SHB: variants seen among roughly 807,000 people sequenced by gnomAD.
SHB encodes SH2 domain containing adaptor protein B.
SHB carries 20 observed loss-of-function variants against 52.3 expected under a neutral mutation model. The ratio of observed to expected loss-of-function variants is 0.38; its 90% CI spans 0.27 to 0.56. The LOEUF is 0.56. Ranked by LOEUF, SHB falls within the 20% of genes least tolerant of loss-of-function variation. The pLI is 0.71. For synonymous variants in SHB, 397 were observed against 316.5 expected, an observed-to-expected ratio of 1.25 and a Z score of -2.70; for missense variants, 825 against 723.3, an observed-to-expected ratio of 1.14 and a Z score of -1.61.
At chr9:38,020,886 C>G (rs1010364247) in intron 1 of SHB, among the ~76,000 whole-genome samples, 2 of 152,210 alleles carry the variant, frequency 1.3e-5, no homozygotes, top group Admixed American at 1.3e-4. Flanking sequence ...CTGTTTGAAA[C>G]CCACAGCAGC....
At chr9:37,992,199 G>A (rs1433418866) in intron 2 of SHB, among the ~76,000 whole-genome samples, 3 of 151,966 alleles carry the variant, frequency 2.0e-5, no homozygotes, top group Admixed American at 6.6e-5. Context: ...TCAGGAGTTC[G>A]AGACCAGCCT....
intron 1 of SHB, among the ~76,000 whole-genome samples, chr9:38,039,210 A>T (rs920867725): frequency 1.3e-5 from 2 of 152,342 alleles, no homozygotes; most frequent in African/African-American, 4.8e-5. Flanking sequence ...TAAGCCTCCA[A>T]TGTTATCTCC....
Position 37,948,005 on chromosome 9 carries a change from T to TA in SHB, c.1346+629dup, listed in dbSNP as rs1832513756. On this transcript the variant is annotated intron_variant, in intron 5 of 5. Transcript: ENST00000377707. ...GCACCCAACTAAAACATGCTTTTCT[T>TA]ATTTCTGGGCCTGCCCATCCTGACA... is the stretch of plus-strand genomic sequence containing the variant. 2.6e-5 allele frequency among the ~76,000 whole-genome samples: 4 copies of TA among 152,270 alleles called. No individual in the cohort carries two copies. The South Asian group carries it at 8.3e-4, about 31-fold the overall frequency.
At chr9:38,002,965 G>A (rs774916765) in intron 2 of SHB, among the ~76,000 whole-genome samples, 8 of 152,174 alleles carry the variant, frequency 5.3e-5, no homozygotes, top group Non-Finnish European at 8.8e-5. Flanking sequence ...CTTTTTATTA[G>A]TACGGAGCCT....
chr9:38,004,239 A>G lies in SHB; in HGVS notation c.838+11772T>C, dbSNP rs1587239506. Among the ~76,000 whole-genome samples, 4 of 152,284 alleles carry G rather than the reference A, an allele frequency of 2.6e-5. No homozygotes were observed. The South Asian group carries it at 8.3e-4, about 32-fold the overall frequency. ...GGCATGAGAGCACAGGGCTTCAGTA[A>G]ACACCACCTGAGCAGAAAACTGAAT... is the stretch of plus-strand genomic sequence containing the variant. On this transcript the variant is annotated intron_variant, in intron 2 of 5. Transcript: ENST00000377707.
intron 4 of SHB, among the ~76,000 whole-genome samples, chr9:37,949,727 G>A (rs1832542686): frequency 2.0e-5 from 3 of 152,206 alleles, no homozygotes; most frequent in African/African-American, 4.8e-5. Flanking sequence ...AGGGATGTGT[G>A]CAGACATGGA....
At chr9:38,028,072 C>A (rs916602809) in intron 1 of SHB, among the ~76,000 whole-genome samples, 3 of 152,170 alleles carry the variant, frequency 2.0e-5, no homozygotes, top group African/African-American at 7.2e-5. Flanking sequence ...GGAGACTGCG[C>A]AGAATCACAG....
intron 2 of SHB, among the ~76,000 whole-genome samples, chr9:38,009,093 C>G (rs1001302614): frequency 1.3e-5 from 2 of 152,240 alleles, no homozygotes; most frequent in Non-Finnish European, 2.9e-5. Context: ...GGCAGCTTCT[C>G]TGACACCCAA....
chr9:38,018,937 G>A (rs1293008422), intron 1 of SHB, among the ~76,000 whole-genome samples: 2 of 152,222 alleles, frequency 1.3e-5, no homozygotes, highest in African/African-American at 4.8e-5. Context: ...TTGGATTTCT[G>A]ACGGGATTGC....
At chr9:38,052,348 G>A (rs559009716) in intron 1 of SHB, among the ~76,000 whole-genome samples, 20 of 152,326 alleles carry the variant, frequency 1.3e-4, no homozygotes, top group African/African-American at 4.6e-4. Flanking sequence ...AACCAGCAGA[G>A]CCATTCCCGG....
intron 1 of SHB, among the ~76,000 whole-genome samples, chr9:38,039,866 G>A (rs1317088823): frequency 6.6e-6 from 1 of 152,230 alleles, no homozygotes; most frequent in Non-Finnish European, 1.5e-5. Flanking sequence ...GAGGGGAGAG[G>A]AGGAGAAATG....
At chr9:38,066,350 C>G (rs557385338) in intron 1 of SHB, among the ~76,000 whole-genome samples, 1 of 152,192 alleles carries the variant, frequency 6.6e-6, no homozygotes, top group African/African-American at 2.4e-5. Flanking sequence ...GTGACCCTCT[C>G]GTGCCTTTTA....
chr9:37,978,373 CACT>C (rs938501405), intron 2 of SHB, among the ~76,000 whole-genome samples: 19 of 152,306 alleles, frequency 1.2e-4, no homozygotes, highest in African/African-American at 4.1e-4. Flanking sequence ...AAGCCTCCCC[CACT>C]ACATTACATG....
intron 2 of SHB, among the ~76,000 whole-genome samples, chr9:38,014,900 G>A (rs966222471): frequency 5.9e-5 from 9 of 152,214 alleles, no homozygotes; most frequent in Admixed American, 3.3e-4. Context: ...AGTAAATGCC[G>A]CTTCCTCTCC....
At chr9:38,067,204 G>A (rs1056261661) in intron 1 of SHB, among the ~76,000 whole-genome samples, 1 of 152,198 alleles carries the variant, frequency 6.6e-6, no homozygotes, top group Non-Finnish European at 1.5e-5. Context: ...GAAGGAAGCA[G>A]GTGAGGATAG....
intron 2 of SHB, among the ~76,000 whole-genome samples, chr9:37,976,323 A>T (rs1425310276): frequency 2.6e-5 from 4 of 152,200 alleles, no homozygotes; most frequent in African/African-American, 4.8e-5. Flanking sequence ...GGTGTGAGCC[A>T]CCGCACCCAG....
At chr9:38,017,474 G>GT (rs1447250606) in intron 1 of SHB, among the ~76,000 whole-genome samples, 4 of 152,228 alleles carry the variant, frequency 2.6e-5, no homozygotes, top group African/African-American at 9.6e-5. Context: ...TCCTGGCAGG[G>GT]TGAGCAAGTG....
At chr9:37,933,183 T>C (rs757269408) in intron 5 of SHB, among the ~76,000 whole-genome samples, 3 of 152,096 alleles carry the variant, frequency 2.0e-5, no homozygotes, top group Non-Finnish European at 4.4e-5. Context: ...ATGACCGTGG[T>C]TCCTGGTGGA....
At chr9:37,924,509 A>ATC (rs1832222503) in intron 5 of SHB, among the ~76,000 whole-genome samples, 1 of 152,166 alleles carries the variant, frequency 6.6e-6, no homozygotes, top group Admixed American at 6.5e-5. Context: ...GGCCTTTGGG[A>ATC]CTAATGTGTG....
Sources: allele counts gnomAD v4.1 joint callset (sites outside exome capture counted in the v4.1 genomes callset), GRCh38; gene constraint gnomAD v4.1.1; transcripts MANE v1.5; gene names NCBI Gene and HGNC (gene_info 2026-07-23, HGNC 2026-07-21).